The following DOCK8 variants were observed in gnomAD, a reference collection of about 807,000 sequenced individuals.
The protein encoded by DOCK8 is dedicator of cytokinesis 8, also known as dedicator of cytokinesis protein 8.
Under a neutral mutation model 245.6 loss-of-function variants are expected in DOCK8, and 141 were observed. The ratio of observed to expected loss-of-function variants is 0.57; its 90% confidence interval spans 0.50 to 0.66. DOCK8 has a LOEUF of 0.66. Among genes scored for constraint, DOCK8 ranks in the 30% least tolerant of loss-of-function variants. The pLI, the probability that DOCK8 is intolerant of heterozygous loss-of-function variation, is 0.00. For missense variants in DOCK8, 2,965 were observed against 2,603.4 expected (o/e 1.14, Z -3.02); for synonymous variants, 1,168 against 970.2 (o/e 1.20, Z -3.79).
Position 441,994 on chromosome 9 carries a change from C to G in DOCK8, c.5475C>G (p.Ile1825Met), listed in dbSNP as rs1237456300. The G allele has an allele frequency of 3.1e-6, 5 of 1,613,842 alleles. No homozygotes were observed. The highest frequency in any genetic ancestry group is 1.3e-5 in the African/African-American group (1 of 74,874). Residue 1825 changes from isoleucine (I) to methionine (M), a missense_variant, in exon 42 of 48, where the codon ATC (isoleucine) becomes ATG (methionine). Coordinates refer to ENST00000432829, the MANE Select transcript of DOCK8 (RefSeq NM_203447.4). Reference sequence around the variant, plus strand: ...CTGCAATTACCAAGCTTCCTGAGATCTCACATAGACTAGAGGTAAGAAAAG... The same window carrying G: ...CTGCAATTACCAAGCTTCCTGAGATGTCACATAGACTAGAGGTAAGAAAAG... The part of the protein sequence containing the change: ...KEPAITKLPE[I>M]SHRLEAFYGQ...
chr9:295,490 G>C (rs897548843), intron 4 of DOCK8, among the ~76,000 whole-genome samples: 1 of 152,102 alleles, frequency 6.6e-6, no homozygotes, highest in Non-Finnish European at 1.5e-5. Context: ...TTATTAAGTA[G>C]TACCTATCAG....
At chr9:365,727 C>G in intron 14 of DOCK8, 1 of 435,638 alleles carries the variant, frequency 2.3e-6, no homozygotes, top group Non-Finnish European at 4.5e-6. Context: ...GGATTCAAAT[C>G]TCAGCTCTCT....
rs567968080 is a variant in DOCK8, at chr9:254,594, G to A, written c.54-17033G>A. ...GTAGTAAGAAGGAAAATGTTGACTTGTGCTATCCTGGGAACCTTGACCTTC... is the reference window on the plus strand; with the variant it reads ...GTAGTAAGAAGGAAAATGTTGACTTATGCTATCCTGGGAACCTTGACCTTC... On this transcript the variant is annotated intron_variant, in intron 1 of 47. Coordinates refer to ENST00000432829, the MANE Select transcript of DOCK8 (RefSeq NM_203447.4). Among the ~76,000 whole-genome samples, 3 of 152,252 alleles carry A rather than the reference G, an allele frequency of 2.0e-5. No homozygotes were observed. In the East Asian group the frequency reaches 5.8e-4, roughly 29 times the overall value.
intron 24 of DOCK8, among the ~76,000 whole-genome samples, chr9:395,391 A>G (rs1221476567): frequency 1.3e-5 from 2 of 152,154 alleles, no homozygotes; most frequent in East Asian, 1.9e-4. Flanking sequence ...AAAAATTGCC[A>G]GTGCTGCATG....
At chr9:390,272 A>G (rs189674332) in intron 23 of DOCK8, among the ~76,000 whole-genome samples, 199 bp from the exon 24 acceptor site, 5 of 152,278 alleles carry the variant, frequency 3.3e-5, no homozygotes, top group Admixed American at 1.3e-4. Flanking sequence ...CCAGCCTTCT[A>G]TGCACCGAAA....
At position 348,347 on chromosome 9, in the gene DOCK8, A is replaced by G. The variant is rs148606502; in HGVS notation, c.1679+8026A>G. On this transcript the variant is annotated intron_variant, in intron 14 of 47. Coordinates refer to ENST00000432829, the MANE Select transcript of DOCK8 (RefSeq NM_203447.4). ...GTAGGAGTAAGGAGGTGCTGTGTAC[A>G]TTAGTGTCACTGATTCCACCGTTCA... 4.3e-4 allele frequency among the ~76,000 whole-genome samples: 66 copies of G among 152,334 alleles called. 1 individual carries two copies. The highest frequency in any genetic ancestry group is 2.8e-4 in the Non-Finnish European group (19 of 68,042).
Position 328,169 on chromosome 9 carries a change from A to C in DOCK8, c.1042A>C (p.Lys348Gln), listed in dbSNP as rs1170137582. 1 of 1,613,532 alleles carries C rather than the reference A, an allele frequency of 6.2e-7. No homozygotes were observed. Among genetic ancestry groups the C allele is most frequent in the East Asian group, 2.2e-5 (1 of 44,828 alleles). The change falls in exon 9 of 48, where the codon AAG (lysine) becomes CAG (glutamine). Residue 348 changes from lysine to glutamine, a missense_variant and splice_region_variant. Lys to Gln is a moderately conservative substitution (Grantham distance 53). Coordinates refer to ENST00000432829, the MANE Select transcript of DOCK8 (RefSeq NM_203447.4). ...YPSSDIYLVV[K>Q]IEKVLQQGEI... ...GTCCTCAGACATCTACCTGGTAGTC[A>C]AGGTAATTCAGTACGATCTGATTTG...
At chr9:274,128 C>T (rs966534165) in intron 2 of DOCK8, among the ~76,000 whole-genome samples, 2 of 152,180 alleles carry the variant, frequency 1.3e-5, no homozygotes, top group East Asian at 3.8e-4. Flanking sequence ...TTTGCTGCCT[C>T]CTCAGTAAGT....
Position 220,466 on chromosome 9 carries a change from C to T in DOCK8, c.53+5437C>T, listed in dbSNP as rs2046855941. ...GAACTCAGGGGACCAAGTCTCCCAT[C>T]TCAACTCCCCATAAAGGTAGTGATG... On this transcript the variant is annotated intron_variant, in intron 1 of 47. Transcript: ENST00000432829. Among the ~76,000 whole-genome samples the T allele has an allele frequency of 2.0e-5, 3 of 152,286 alleles. 1 individual carries two copies. Among genetic ancestry groups the T allele is most frequent in the Middle Eastern group, 6.8e-3 (2 of 294 alleles).
At chr9:259,680 C>T (rs1224512139) in intron 1 of DOCK8, among the ~76,000 whole-genome samples, 1 of 152,166 alleles carries the variant, frequency 6.6e-6, no homozygotes, top group Non-Finnish European at 1.5e-5. Context: ...TTTTCACACA[C>T]AAAAAATGAG....
intron 9 of DOCK8, 67 bp from the exon 10 acceptor site, chr9:332,331 G>T: frequency 9.4e-7 from 1 of 1,066,170 alleles, no homozygotes; most frequent in South Asian, 1.3e-5. Flanking sequence ...TAATTTTGAT[G>T]GTTGCATAGA....
rs142231804 is a variant in DOCK8 at position 361,728 on chromosome 9, A to G, written c.1680-6290A>G. Among the ~76,000 whole-genome samples, 30 of 152,344 alleles carry G rather than the reference A, an allele frequency of 2.0e-4. 1 individual carries two copies. The highest frequency in any genetic ancestry group is 7.2e-4 in the African/African-American group (30 of 41,574). On this transcript the variant is annotated intron_variant, in intron 14 of 47. Coordinates refer to ENST00000432829, the MANE Select transcript of DOCK8 (RefSeq NM_203447.4). ...TTTCCTCCTTTTTTAAAAAAGGCGT[A>G]GATTTCATATTACTACTTTGTTTCA...
At chr9:413,888 T>G (rs1347806262) in intron 28 of DOCK8, among the ~76,000 whole-genome samples, 1 of 152,188 alleles carries the variant, frequency 6.6e-6, no homozygotes, top group Non-Finnish European at 1.5e-5. Context: ...ACGCCTATAA[T>G]CTCAGCACTT....
chr9:372,757 T>C (rs946137715), intron 18 of DOCK8, among the ~76,000 whole-genome samples: 2 of 152,322 alleles, frequency 1.3e-5, no homozygotes, highest in African/African-American at 4.8e-5. Context: ...CACTTTCTCT[T>C]GCTCATCCAC....
At chr9:398,340 C>T (rs555565430) in intron 25 of DOCK8, among the ~76,000 whole-genome samples, 8 of 152,328 alleles carry the variant, frequency 5.3e-5, no homozygotes, top group South Asian at 4.1e-4. Flanking sequence ...CCATCCATCC[C>T]AGTGACTTGA....
chr9:441,555 A>T (rs1161197631), intron 41 of DOCK8, 138 bp downstream of exon 41: 21 of 1,351,626 alleles, frequency 1.6e-5, no homozygotes, highest in Non-Finnish European at 1.9e-5. Context: ...TCAAACAGAA[A>T]AGGGCTGAAA....
intron 4 of DOCK8, among the ~76,000 whole-genome samples, chr9:299,625 T>C (rs1057320539): frequency 1.3e-5 from 2 of 151,906 alleles, no homozygotes; most frequent in Non-Finnish European, 2.9e-5. Context: ...AGAGTTCACC[T>C]GTTTATTTTT....
intron 28 of DOCK8, among the ~76,000 whole-genome samples, chr9:411,848 A>T (rs754756352): frequency 2.0e-5 from 3 of 152,234 alleles, no homozygotes; most frequent in Non-Finnish European, 2.9e-5. Context: ...CAATCATCTT[A>T]GTAGATGCAA....
At chr9:318,817 C>T (rs1430191072) in intron 7 of DOCK8, among the ~76,000 whole-genome samples, 1 of 152,212 alleles carries the variant, frequency 6.6e-6, no homozygotes, top group African/African-American at 2.4e-5. Context: ...GAGGGACACA[C>T]CTGCCCCGAC....
Sources: allele counts gnomAD v4.1 joint callset (sites outside exome capture counted in the v4.1 genomes callset), GRCh38; gene constraint gnomAD v4.1.1; transcripts MANE v1.5; gene names NCBI Gene and HGNC (gene_info 2026-07-23, HGNC 2026-07-21).